The following RSU1 variants were observed in gnomAD, a reference collection of about 807,000 sequenced individuals.
The protein encoded by RSU1 is rsu-1.
RSU1 carries 26 observed loss-of-function variants against 31.1 expected under a neutral mutation model. That is an observed-to-expected ratio of 0.84 (90% CI 0.61 to 1.16). The LOEUF (loss-of-function observed/expected upper bound fraction) is 1.16. RSU1 is among the 50% of genes most tolerant of loss of function. The pLI is 0.00. For synonymous variants in RSU1, 164 were observed against 136.3 expected (o/e 1.20, Z -1.41); for missense variants, 320 against 339.1 (o/e 0.94, Z 0.44).
rs1833726586 is a variant in RSU1, at chr10:16,602,320, GC to G, written c.732-8825del. Reference sequence around the variant, plus strand: ...GTGATCACAGCACAACATTTCCAATGCAGCTAACGTGCATTCATTATTCACT... The same window carrying G: ...GTGATCACAGCACAACATTTCCAATGAGCTAACGTGCATTCATTATTCACT... On this transcript the variant is annotated intron_variant, in intron 8 of 8. Transcript: ENST00000345264. Among the ~76,000 whole-genome samples the G allele has an allele frequency of 2.6e-5, 4 of 152,190 alleles. No homozygotes were observed. In the South Asian group the frequency reaches 8.3e-4, roughly 32 times the overall value.
At position 16,682,265 on chromosome 10, in the gene RSU1, G is replaced by A. The variant is rs569181680; in HGVS notation, c.731+12758C>T. On this transcript the variant is annotated intron_variant, in intron 8 of 8. Coordinates refer to ENST00000345264, the MANE Select transcript of RSU1 (RefSeq NM_012425.4). ...TCTTGAGTGAGGGCTAGGAAAATGA[G>A]GCTGGGACCTGCTGGGCTGCACTCC... Among the ~76,000 whole-genome samples, 5 of 152,212 alleles carry A rather than the reference G, an allele frequency of 3.3e-5. No individual in the cohort carries two copies. The South Asian group carries it at 8.3e-4, about 25-fold the overall frequency.
chr10:16,696,115 T>C (rs1040653997), intron 7 of RSU1, among the ~76,000 whole-genome samples: 21 of 152,122 alleles, frequency 1.4e-4, no homozygotes, highest in African/African-American at 4.8e-4. Flanking sequence ...AGCAGGGATA[T>C]ATGTGAAGGT....
intron 8 of RSU1, among the ~76,000 whole-genome samples, chr10:16,651,847 T>C (rs45591333): frequency 0.055 from 8,407 of 152,216 alleles, 326 homozygotes; most frequent in East Asian, 0.15. Context: ...ACAGACATAG[T>C]TTAAACTAAT....
intron 2 of RSU1, among the ~76,000 whole-genome samples, chr10:16,785,272 G>A (rs1018051728): frequency 6.6e-6 from 1 of 151,886 alleles, no homozygotes; most frequent in African/African-American, 2.4e-5. Context: ...TCGAATGTTG[G>A]ACTCCAAGTT....
chr10:16,706,045 A>G (rs528248077), intron 7 of RSU1, among the ~76,000 whole-genome samples: 1 of 152,318 alleles, frequency 6.6e-6, no homozygotes, highest in Non-Finnish European at 1.5e-5. Context: ...TCATCTGTTG[A>G]TGTACACGTG....
chr10:16,634,479 C>T (rs554453023), intron 8 of RSU1, among the ~76,000 whole-genome samples: 2 of 152,284 alleles, frequency 1.3e-5, no homozygotes, highest in Non-Finnish European at 2.9e-5. Context: ...TTTTTACACA[C>T]GAGTAGAGTC....
intron 7 of RSU1, among the ~76,000 whole-genome samples, chr10:16,724,707 A>G (rs1438464017): frequency 2.0e-5 from 3 of 152,228 alleles, no homozygotes; most frequent in Admixed American, 2.0e-4. Context: ...TCATCAACCC[A>G]CTGACAGCCT....
intron 7 of RSU1, among the ~76,000 whole-genome samples, chr10:16,736,837 G>A (rs1447246580): frequency 2.0e-5 from 3 of 152,032 alleles, no homozygotes; most frequent in Non-Finnish European, 4.4e-5. Context: ...TATCTAAATT[G>A]AGAAATGAAA....
intron 7 of RSU1, among the ~76,000 whole-genome samples, chr10:16,709,797 T>C (rs534274861): frequency 1.3e-5 from 2 of 152,302 alleles, no homozygotes; most frequent in Non-Finnish European, 2.9e-5. Context: ...ATGTCTTCTT[T>C]TGAGAAGTGT....
chr10:16,771,293 A>T (rs1199377676), intron 3 of RSU1, among the ~76,000 whole-genome samples: 1 of 152,220 alleles, frequency 6.6e-6, no homozygotes, highest in East Asian at 1.9e-4. Flanking sequence ...GATGAATATG[A>T]TAGTGAAAAA....
chr10:16,625,906 A>G (rs1033817563), intron 8 of RSU1, among the ~76,000 whole-genome samples: 3 of 152,170 alleles, frequency 2.0e-5, no homozygotes, highest in Admixed American at 6.5e-5. Flanking sequence ...CCTGTTTGTG[A>G]AAAGGGATTA....
chr10:16,677,965 G>T (rs1429056680), intron 8 of RSU1, among the ~76,000 whole-genome samples: 3 of 144,592 alleles, frequency 2.1e-5, no homozygotes, highest in Non-Finnish European at 3.2e-5. Flanking sequence ...CATCTTAGTT[G>T]ACAGCTTAAA....
At chr10:16,623,846 C>T (rs1343970534) in intron 8 of RSU1, among the ~76,000 whole-genome samples, 1 of 152,142 alleles carries the variant, frequency 6.6e-6, no homozygotes, top group Non-Finnish European at 1.5e-5. Context: ...TCTCCAGTTA[C>T]AAGAGATTCA....
At chr10:16,659,545 G>A (rs1834851181) in intron 8 of RSU1, among the ~76,000 whole-genome samples, 1 of 152,088 alleles carries the variant, frequency 6.6e-6, no homozygotes, top group African/African-American at 2.4e-5. Context: ...AGTCAAGTGT[G>A]CATATATGCA....
At chr10:16,762,140 C>T (rs1383114224) in intron 4 of RSU1, among the ~76,000 whole-genome samples, 1 of 152,048 alleles carries the variant, frequency 6.6e-6, no homozygotes, top group African/African-American at 2.4e-5. Flanking sequence ...ACCTTGGCTC[C>T]CCGGTACTAG....
intron 3 of RSU1, among the ~76,000 whole-genome samples, chr10:16,769,730 C>A (rs763487925): frequency 5.3e-5 from 8 of 152,244 alleles, no homozygotes; most frequent in Non-Finnish European, 7.3e-5. Flanking sequence ...ATCAATCCAA[C>A]ACATATGTCC....
rs576491686 is a variant in RSU1, at chr10:16,753,669, C to T, written c.401-669G>A. Among the ~76,000 whole-genome samples the T allele has an allele frequency of 1.1e-3, 171 of 152,312 alleles. 1 individual carries two copies. Among genetic ancestry groups the T allele is most frequent in the Non-Finnish European group, 2.1e-3 (146 of 68,028 alleles). On this transcript the variant is annotated intron_variant, in intron 5 of 8. Coordinates refer to ENST00000345264, the MANE Select transcript of RSU1 (RefSeq NM_012425.4). Reference sequence around the variant, plus strand: ...CAGAAATTTGTTCATAATTATTACACAATGATAATACGATTCCAACCTACT... The same window carrying T: ...CAGAAATTTGTTCATAATTATTACATAATGATAATACGATTCCAACCTACT...
At chr10:16,712,060 A>G (rs894547235) in intron 7 of RSU1, among the ~76,000 whole-genome samples, 1 of 152,142 alleles carries the variant, frequency 6.6e-6, no homozygotes, top group Non-Finnish European at 1.5e-5. Context: ...CTCTTATTGA[A>G]TTTATCCTTT....
In RSU1 at chr10:16,754,934, C is replaced by T. The variant is rs1837053925; in HGVS notation, c.337G>A (p.Val113Ile). The change falls in exon 5 of 9, where the codon GTT (valine) becomes ATT (isoleucine). Residue 113 changes from valine (V) to isoleucine (I), a missense_variant. Physicochemically the swap from Val to Ile is conservative, Grantham distance 29. Transcript: ENST00000345264. ...AAGTTGTTGTACGTCAAGTCCAGAA[C>T]CTCAAGAGCTGGCAGGGAGCCGAAG... ...RGFGSLPALE[V>I]LDLTYNNLSE... 1 of 1,613,370 alleles carries T rather than the reference C, an allele frequency of 6.2e-7. No individual in the cohort carries two copies.
Sources: allele counts gnomAD v4.1 joint callset (sites outside exome capture counted in the v4.1 genomes callset), GRCh38; gene constraint gnomAD v4.1.1; transcripts MANE v1.5; gene names NCBI Gene and HGNC (gene_info 2026-07-23, HGNC 2026-07-21).